Variants in CTTNBP2NL observed in about 807,000 individuals in gnomAD.
CTTNBP2NL encodes the protein CTTNBP2 N-terminal-like protein.
A neutral mutation model predicts 32.5 loss-of-function variants in CTTNBP2NL; 16 were observed. That is an observed-to-expected ratio of 0.49 (90% CI 0.33 to 0.75). The LOEUF is 0.75. CTTNBP2NL is among the 30% of genes least tolerant of loss of function. The probability of loss-of-function intolerance (pLI) is 0.02; values close to 1 mark genes in which losing one functional copy is unlikely to be tolerated. For missense variants in CTTNBP2NL, 645 were observed against 756.0 expected (o/e 0.85, Z 1.72); for synonymous variants, 298 against 289.4 (o/e 1.03, Z -0.30).
chr1:112,396,572 GAGAGGACTCAC>G (rs2100986234), intron 1 of CTTNBP2NL: 1 of 152,552 alleles, frequency 6.6e-6, no homozygotes, highest in Admixed American at 6.5e-5. Context: ...AGCCTTGGCG[GAGAGGACTCAC>G]AGGTACCGAT....
upstream of CTTNBP2NL, among the ~76,000 whole-genome samples, chr1:112,392,358 G>T (rs1281579031): frequency 6.6e-6 from 1 of 152,158 alleles, no homozygotes; most frequent in African/African-American, 2.4e-5. Flanking sequence ...CACATAATTT[G>T]ATAGCTTGAT....
chr1:112,402,853 A>G (rs1648545809), intron 1 of CTTNBP2NL, among the ~76,000 whole-genome samples: 1 of 151,872 alleles, frequency 6.6e-6, no homozygotes, highest in Non-Finnish European at 1.5e-5. Flanking sequence ...CCATCACCAC[A>G]CTAACAGACT....
chr1:112,391,707 G>T (rs1315626452), upstream of CTTNBP2NL, among the ~76,000 whole-genome samples: 2 of 152,080 alleles, frequency 1.3e-5, no homozygotes, highest in African/African-American at 2.4e-5. Flanking sequence ...TTTAAAATCA[G>T]TCCAGGCCGG....
intron 4 of CTTNBP2NL, among the ~76,000 whole-genome samples, chr1:112,453,939 A>T (rs1288876035): frequency 6.6e-6 from 1 of 152,112 alleles, no homozygotes. Context: ...TTATCTAACT[A>T]TATAAAAATG....
At chr1:112,407,832 TTTTCTTTC>T in intron 1 of CTTNBP2NL, among the ~76,000 whole-genome samples, 2 of 141,478 alleles carry the variant, frequency 1.4e-5, no homozygotes, top group Non-Finnish European at 3.0e-5. Context: ...CGGCTTTCTT[TTTTCTTTC>T]TTTTTTTTTT....
At chr1:112,438,300 G>A (rs1196727329) in intron 3 of CTTNBP2NL, among the ~76,000 whole-genome samples, 1 of 152,036 alleles carries the variant, frequency 6.6e-6, no homozygotes, top group Non-Finnish European at 1.5e-5. Context: ...TATTCTATGT[G>A]TGGCGACTGT....
chr1:112,456,855 A>G lies in CTTNBP2NL; in HGVS notation c.1363A>G (p.Ile455Val), dbSNP rs1650382763. ...PGYQSSYQVG[I>V]NQRFHAARHK... is the part of the protein sequence containing the mutation. ...CTACCAGTCATCGTACCAAGTAGGG[A>G]TCAACCAACGGTTCCATGCAGCTCG... The change falls in exon 6 of 6, where the codon ATC becomes GTC. Residue 455 changes from isoleucine to valine, a missense_variant. Physicochemically the swap from Ile to Val is conservative, Grantham distance 29. Transcript: ENST00000271277. 6.2e-7 allele frequency: 1 copy of G among 1,614,100 alleles called. No homozygotes were observed. The highest frequency in any genetic ancestry group is 8.5e-7 in the Non-Finnish European group (1 of 1,180,026).
chr1:112,391,200 G>A, the CTTNBP2NL span, among the ~76,000 whole-genome samples: 2 of 152,312 alleles, frequency 1.3e-5, no homozygotes, highest in East Asian at 3.9e-4. Context: ...CCTTGCCTTC[G>A]GCTTCAGCCT....
chr1:112,456,959 C>G lies in CTTNBP2NL; in HGVS notation c.1467C>G (p.Pro489=). 1.2e-6 allele frequency: 2 copies of G among 1,614,114 alleles called. No homozygotes were observed. Among genetic ancestry groups the G allele is most frequent in the Non-Finnish European group, 8.5e-7 (1 of 1,180,028 alleles). The change falls in exon 6 of 6, where the codon CCC becomes CCG. Residue 489 remains proline, a synonymous_variant. Transcript: ENST00000271277. Reference sequence around the variant, plus strand: ...GCCCTCCATCCAGGGATTTATCCCCCACCCTCATAGACAACTCTGCCGCCA... The same window carrying G: ...GCCCTCCATCCAGGGATTTATCCCCGACCCTCATAGACAACTCTGCCGCCA... ...LQSPPSRDLS[P]TLIDNSAAKQ...
intron 1 of CTTNBP2NL, among the ~76,000 whole-genome samples, chr1:112,399,533 C>T (rs116794465): frequency 0.03 from 4,509 of 152,170 alleles, 228 homozygotes; most frequent in African/African-American, 0.1. Flanking sequence ...TCAGTCTTCT[C>T]TGGATTTGTA....
intron 1 of CTTNBP2NL, among the ~76,000 whole-genome samples, chr1:112,398,797 A>AAAGAG (rs1251549106): frequency 6.8e-6 from 1 of 147,558 alleles, no homozygotes; most frequent in Admixed American, 6.7e-5. Context: ...TGGGCAGCAG[A>AAAGAG]AAGAGACCCT....
chr1:112,424,248 T>C (rs2101009494), intron 3 of CTTNBP2NL, among the ~76,000 whole-genome samples: 1 of 152,352 alleles, frequency 6.6e-6, no homozygotes, highest in East Asian at 1.9e-4. Flanking sequence ...TTTTTGCATA[T>C]AGATGTCCAG....
rs1369160810 is a variant in CTTNBP2NL at position 112,456,922 on chromosome 1, G to C, written c.1430G>C (p.Ser477Thr). Residue 477 changes from serine (S) to threonine (T), a missense_variant, in exon 6 of 6, where the codon AGT (serine) becomes ACT (threonine). Ser to Thr is a moderately conservative substitution (Grantham distance 58). Transcript: ENST00000271277. ...CAAGCAGATCAGGACCAACAAGCCA[G>C]TGGCCTACAGAGCCCTCCATCCAGG... ...QSQADQDQQA[S>T]GLQSPPSRDL... 6.2e-7 allele frequency: 1 copy of C among 1,614,096 alleles called. No homozygotes were observed. The highest frequency in any genetic ancestry group is 8.5e-7 in the Non-Finnish European group (1 of 1,180,030).
intron 3 of CTTNBP2NL, among the ~76,000 whole-genome samples, chr1:112,432,763 A>AC (rs1649605520): frequency 6.6e-6 from 1 of 151,888 alleles, no homozygotes; most frequent in South Asian, 2.1e-4. Flanking sequence ...TAAAAAAAAA[A>AC]AAAAAACCTT....
intron 3 of CTTNBP2NL, among the ~76,000 whole-genome samples, chr1:112,429,452 T>C (rs1401828746): frequency 3.3e-5 from 5 of 152,168 alleles, no homozygotes; most frequent in Admixed American, 1.3e-4. Flanking sequence ...TTCCAAGCTC[T>C]AATGCAAAAT....
chr1:112,433,637 G>A (rs1052565011), intron 3 of CTTNBP2NL, among the ~76,000 whole-genome samples: 15 of 152,054 alleles, frequency 9.9e-5, no homozygotes, highest in Non-Finnish European at 1.2e-4. Context: ...TGTATCCTCA[G>A]TTTCTCCTCC....
intron 1 of CTTNBP2NL, among the ~76,000 whole-genome samples, chr1:112,399,275 C>T (rs187005665): frequency 6.8e-6 from 1 of 147,396 alleles, no homozygotes; most frequent in African/African-American, 2.5e-5. Context: ...GCTGAGATTG[C>T]ACCACTGCGC....
At chr1:112,444,450 T>G (rs1245853253) in intron 3 of CTTNBP2NL, among the ~76,000 whole-genome samples, 1 of 152,184 alleles carries the variant, frequency 6.6e-6, no homozygotes, top group African/African-American at 2.4e-5. Context: ...AGTGGTGTGT[T>G]TCATTCAGCC....
At chr1:112,426,786 A>G (rs1370575690) in intron 3 of CTTNBP2NL, among the ~76,000 whole-genome samples, 1 of 151,802 alleles carries the variant, frequency 6.6e-6, no homozygotes, top group East Asian at 1.9e-4. Context: ...TTGTATTTTT[A>G]CTATAGACAA....
Sources: allele counts gnomAD v4.1 joint callset (sites outside exome capture counted in the v4.1 genomes callset), GRCh38; gene constraint gnomAD v4.1.1; transcripts MANE v1.5; gene names NCBI Gene and HGNC (gene_info 2026-07-23, HGNC 2026-07-21).